The following FGF12 variants were observed in gnomAD, a reference collection of about 807,000 sequenced individuals.
FGF12 encodes the protein fibroblast growth factor 12.
In FGF12, 14 loss-of-function variants were observed where a neutral mutation model predicts 23.6. The ratio of observed to expected loss-of-function variants is 0.59; its 90% CI spans 0.39 to 0.93. The LOEUF is 0.93. Among genes scored for constraint, FGF12 ranks in the 40% least tolerant of loss-of-function variants. FGF12 has a pLI of 0.00. For synonymous variants in FGF12, 62 were observed against 77.3 expected (o/e 0.80, Z 1.04); for missense variants, 175 against 217.8 (o/e 0.80, Z 1.24).
intron 4 of FGF12, among the ~76,000 whole-genome samples, chr3:192,328,836 T>C (rs540826409): frequency 6.6e-6 from 1 of 152,226 alleles, no homozygotes; most frequent in Non-Finnish European, 1.5e-5. Context: ...CATCTTTATA[T>C]GCTCAGTATG....
intron 2 of FGF12, among the ~76,000 whole-genome samples, chr3:192,491,341 G>C (rs1723796065): frequency 6.6e-6 from 1 of 152,094 alleles, no homozygotes; most frequent in Non-Finnish European, 1.5e-5. Context: ...AATCATCTTT[G>C]AAGGGAGTTT....
chr3:192,448,521 G>A (rs1160656050), intron 2 of FGF12, among the ~76,000 whole-genome samples: 2 of 152,152 alleles, frequency 1.3e-5, no homozygotes, highest in Non-Finnish European at 2.9e-5. Context: ...AGACATGAAA[G>A]GTCCAAAGCA....
intron 2 of FGF12, among the ~76,000 whole-genome samples, chr3:192,439,901 G>A (rs371281905): frequency 4.0e-5 from 6 of 151,690 alleles, no homozygotes; most frequent in Non-Finnish European, 8.8e-5. Flanking sequence ...GCTTGAACCC[G>A]GGAGGCAGAG....
At chr3:192,512,464 G>A (rs1724509377) in intron 2 of FGF12, among the ~76,000 whole-genome samples, 1 of 152,038 alleles carries the variant, frequency 6.6e-6, no homozygotes. Context: ...GGCATACTAT[G>A]AGAGCTCAAC....
intron 4 of FGF12, among the ~76,000 whole-genome samples, chr3:192,180,813 A>G (rs1194319035): frequency 6.6e-6 from 1 of 152,208 alleles, no homozygotes. Flanking sequence ...GCACTTGTCA[A>G]CTGGAACTGT....
chr3:192,376,338 A>C (rs1043584036), intron 2 of FGF12, among the ~76,000 whole-genome samples: 2 of 123,992 alleles, frequency 1.6e-5, no homozygotes, highest in African/African-American at 6.8e-5. Flanking sequence ...TTATTAATTT[A>C]ATTTTATTTA....
intron 4 of FGF12, among the ~76,000 whole-genome samples, chr3:192,172,070 T>C (rs1296161569): frequency 6.6e-6 from 1 of 152,014 alleles, no homozygotes; most frequent in Non-Finnish European, 1.5e-5. Flanking sequence ...TCCAACATTA[T>C]AGACGAAGAA....
chr3:192,360,594 A>G lies in FGF12; in HGVS notation c.14-56T>C. 8.4e-7 allele frequency: 1 copy of G among 1,185,232 alleles called. No individual in the cohort carries two copies. The highest frequency in any genetic ancestry group is 1.2e-5 in the South Asian group (1 of 81,900). 73.4% of individuals were successfully genotyped at this position (1,185,232 alleles called of 1,614,324 possible). On this transcript the variant is annotated intron_variant, in intron 2 of 5. Transcript: ENST00000445105. The surrounding 1 kb of genome is among the most constrained non-coding windows in gnomAD (Gnocchi z 4.3). ...ATTTGGCTTACACAAATGCACACTT[A>G]CAGATTGTTAAAAACATCCTGTAAG...
At chr3:192,429,869 A>AT (rs531411236) in intron 2 of FGF12, among the ~76,000 whole-genome samples, 19 of 152,116 alleles carry the variant, frequency 1.2e-4, no homozygotes, top group African/African-American at 3.9e-4. Context: ...CCCTTAAGAT[A>AT]TTTTTTTGCA....
At chr3:192,276,984 C>T (rs985528582) in intron 4 of FGF12, among the ~76,000 whole-genome samples, 3 of 152,202 alleles carry the variant, frequency 2.0e-5, no homozygotes, top group Non-Finnish European at 4.4e-5. Context: ...ACTGTCCATA[C>T]TTTGTTAAAC....
chr3:192,180,040 A>G (rs1716085938), intron 4 of FGF12, among the ~76,000 whole-genome samples: 1 of 152,136 alleles, frequency 6.6e-6, no homozygotes, highest in Admixed American at 6.5e-5. Flanking sequence ...AGGATCTCTT[A>G]CCTGTGAGAG....
intron 2 of FGF12, among the ~76,000 whole-genome samples, chr3:192,402,915 T>A (rs1027180336): frequency 6.6e-6 from 1 of 152,172 alleles, no homozygotes; most frequent in Non-Finnish European, 1.5e-5. Context: ...TGTAATTCCA[T>A]GAGTAAGCCA....
chr3:192,407,351 T>C (rs1457314869), intron 2 of FGF12, among the ~76,000 whole-genome samples: 1 of 152,132 alleles, frequency 6.6e-6, no homozygotes, highest in Non-Finnish European at 1.5e-5. Context: ...ACAGAAACGT[T>C]AATGAGCAGA....
At chr3:192,580,542 A>G (rs1411937798) in intron 2 of FGF12, among the ~76,000 whole-genome samples, 1 of 152,194 alleles carries the variant, frequency 6.6e-6, no homozygotes, top group African/African-American at 2.4e-5. Flanking sequence ...AAATTGGTCT[A>G]TGTCCCACAT....
intron 2 of FGF12, among the ~76,000 whole-genome samples, chr3:192,568,626 TC>T (rs1375077260): frequency 1.3e-5 from 2 of 152,204 alleles, no homozygotes; most frequent in Non-Finnish European, 2.9e-5. Flanking sequence ...GAATCAGCTA[TC>T]TTATCTCCCT....
chr3:192,518,220 T>C (rs960601816), intron 2 of FGF12, among the ~76,000 whole-genome samples: 1 of 152,186 alleles, frequency 6.6e-6, no homozygotes, highest in Non-Finnish European at 1.5e-5. Flanking sequence ...CTAATTGACT[T>C]AGACATCTTG....
chr3:192,420,966 A>T, intron 2 of FGF12, among the ~76,000 whole-genome samples: 1 of 146,880 alleles, frequency 6.8e-6, no homozygotes, highest in African/African-American at 2.7e-5. Flanking sequence ...TACAAATTGG[A>T]AAAAAAAAGT....
intron 4 of FGF12, among the ~76,000 whole-genome samples, chr3:192,259,928 G>A (rs889087554): frequency 6.6e-6 from 1 of 152,072 alleles, no homozygotes; most frequent in Non-Finnish European, 1.5e-5. Flanking sequence ...ATTATATGTG[G>A]CATTCTCATA....
chr3:192,375,144 A>G (rs1019636821), intron 2 of FGF12, among the ~76,000 whole-genome samples: 1 of 152,218 alleles, frequency 6.6e-6, no homozygotes, highest in Non-Finnish European at 1.5e-5. Context: ...TCAACATTGT[A>G]TTAACACCAA....
Sources: gnomAD v4.1 joint callset for allele counts (sites outside exome capture counted in the v4.1 genomes callset) on GRCh38, gnomAD v4.1.1 for gene constraint, Gnocchi (gnomAD v3.1) non-coding constraint, MANE v1.5 for transcripts, NCBI Gene and HGNC (gene_info 2026-07-23, HGNC 2026-07-21) for gene names.